DCLK1: variants seen among roughly 807,000 people sequenced by gnomAD.
The protein encoded by DCLK1 is doublecortin like kinase 1.
A neutral mutation model predicts 86.2 loss-of-function variants in DCLK1; 16 were observed. The observed-to-expected ratio is 0.19, with a 90% CI of 0.13 to 0.28. The LOEUF (loss-of-function observed/expected upper bound fraction) is 0.28. Among genes scored for constraint, DCLK1 ranks in the 10% least tolerant of loss-of-function variants. The pLI, the probability that DCLK1 is intolerant of heterozygous loss-of-function variation, is 1.00. For missense variants in DCLK1, 590 were observed against 940.2 expected (o/e 0.63, Z 4.87); for synonymous variants, 369 against 370.5 (o/e 1.00, Z 0.05).
chr13:36,067,246 A>G (rs928893966), intron 3 of DCLK1, among the ~76,000 whole-genome samples: 2 of 141,902 alleles, frequency 1.4e-5, no homozygotes, highest in African/African-American at 5.2e-5. Context: ...TGATGAGTTC[A>G]TGTCCTTTGT....
chr13:35,989,515 AC>A (rs1436743000), intron 3 of DCLK1, among the ~76,000 whole-genome samples: 1 of 151,828 alleles, frequency 6.6e-6, no homozygotes, highest in Non-Finnish European at 1.5e-5. Flanking sequence ...CAGGTGATCC[AC>A]CCGCCTCGGC....
At chr13:35,899,752 G>A (rs2153121878) in intron 4 of DCLK1, among the ~76,000 whole-genome samples, 1 of 152,224 alleles carries the variant, frequency 6.6e-6, no homozygotes, top group East Asian at 1.9e-4. Context: ...AAGCTTATAA[G>A]AAATGACAAG....
intron 1 of DCLK1, among the ~76,000 whole-genome samples, 178 bp downstream of exon 1, chr13:36,130,936 G>A (rs966762560): frequency 6.6e-6 from 1 of 151,928 alleles, no homozygotes; most frequent in Non-Finnish European, 1.5e-5. Flanking sequence ...CCCCGGGTCG[G>A]GCCAGGCTGG....
chr13:36,104,042 T>C (rs1025982202), intron 3 of DCLK1, among the ~76,000 whole-genome samples: 3 of 152,230 alleles, frequency 2.0e-5, no homozygotes, highest in Non-Finnish European at 4.4e-5. Context: ...GTTCTTTTTA[T>C]TTTCTATACT....
chr13:35,998,088 A>G (rs1215324098), intron 3 of DCLK1, among the ~76,000 whole-genome samples: 1 of 152,078 alleles, frequency 6.6e-6, no homozygotes, highest in African/African-American at 2.4e-5. Context: ...CCCCCTTTTG[A>G]GTATTTTAGT....
At position 35,810,846 on chromosome 13, in the gene DCLK1, A is replaced by G; in HGVS notation, c.1677T>C (p.Ile559=). Residue 559 remains isoleucine, a synonymous_variant, in exon 12 of 17, where the codon ATT becomes ATC. Coordinates refer to ENST00000360631, the MANE Select transcript of DCLK1 (RefSeq NM_001330071.2). ...GTPTYVAPEI[I]AETGYGLKVD... Reference sequence around the variant, plus strand: ...AGAGAAGCATTTACCCAGTCTCTGCAATGATTTCTGGAGCCACGTATGTTG... The same window carrying G: ...AGAGAAGCATTTACCCAGTCTCTGCGATGATTTCTGGAGCCACGTATGTTG... The G allele has an allele frequency of 1.2e-6, 2 of 1,613,884 alleles. No homozygotes were observed. The highest frequency in any genetic ancestry group is 2.2e-5 in the East Asian group (1 of 44,874).
At chr13:35,973,218 C>T (rs1210411105) in intron 3 of DCLK1, among the ~76,000 whole-genome samples, 2 of 152,194 alleles carry the variant, frequency 1.3e-5, no homozygotes, top group Non-Finnish European at 2.9e-5. Context: ...CCCATGAAAT[C>T]CTTTCAATGG....
rs2086299982 is a variant in DCLK1 at position 35,769,917 on chromosome 13, CATG to C, written c.*4615_*4617del. ...TGTATGGGCAAGATATGGTAAACCT[CATG>C]ATCAAAACACATGCCAGTTAGAAAC... On this transcript the variant is annotated 3_prime_UTR_variant, in exon 17 of 17. Coordinates refer to ENST00000360631, the MANE Select transcript of DCLK1 (RefSeq NM_001330071.2). The C allele has an allele frequency of 6.6e-6, 1 of 152,168 alleles. No homozygotes were observed. The highest frequency in any genetic ancestry group is 2.1e-4 in the South Asian group (1 of 4,822). The allele number at this position is 152,168 out of a possible 1,614,324, so 9.4% of individuals were successfully genotyped here.
intron 16 of DCLK1, among the ~76,000 whole-genome samples, chr13:35,776,966 G>A (rs540671991): frequency 2.2e-4 from 33 of 152,124 alleles, no homozygotes; most frequent in Non-Finnish European, 4.4e-4. Context: ...GTCCCCTCAC[G>A]CTCACTTTCA....
At chr13:35,848,420 T>G in intron 6 of DCLK1, 1 of 985,298 alleles carries the variant, frequency 1.0e-6, no homozygotes. Flanking sequence ...GGGACTTTAC[T>G]TTCAAAAAGT....
chr13:36,121,413 T>C (rs1395879081), intron 2 of DCLK1, among the ~76,000 whole-genome samples: 1 of 152,162 alleles, frequency 6.6e-6, no homozygotes, highest in Admixed American at 6.5e-5. Flanking sequence ...CTGCATGCAG[T>C]TCTGAGTAGT....
At position 36,116,859 on chromosome 13, in the gene DCLK1, T is replaced by C. The variant is rs184536873; in HGVS notation, c.377-4644A>G. Among the ~76,000 whole-genome samples, 6 of 152,346 alleles carry C rather than the reference T, an allele frequency of 3.9e-5. No individual in the cohort carries two copies. In the East Asian group the frequency reaches 1.2e-3, roughly 29 times the overall value. On this transcript the variant is annotated intron_variant, in intron 2 of 16. Coordinates refer to ENST00000360631, the MANE Select transcript of DCLK1 (RefSeq NM_001330071.2). ...GAACTGAATTAAATTACATGAAATATTGTTTACAGAATAGAATATCGTAAA... is the reference window on the plus strand; with the variant it reads ...GAACTGAATTAAATTACATGAAATACTGTTTACAGAATAGAATATCGTAAA...
chr13:36,121,399 T>C (rs1273356727), intron 2 of DCLK1, among the ~76,000 whole-genome samples: 1 of 152,196 alleles, frequency 6.6e-6, no homozygotes. Flanking sequence ...TCAGGAGTTT[T>C]AAACTGCATG....
intron 3 of DCLK1, among the ~76,000 whole-genome samples, chr13:35,951,270 CATGGATGGATGGATGG>C (rs113236728): frequency 1.9e-3 from 283 of 145,400 alleles, no homozygotes; most frequent in African/African-American, 6.2e-3. Context: ...TGGATGGATG[CATGGATGGATGGATGG>C]ATGGATGGAT....
At chr13:36,089,030 A>T (rs962307208) in intron 3 of DCLK1, among the ~76,000 whole-genome samples, 58 of 152,100 alleles carry the variant, frequency 3.8e-4, no homozygotes, top group African/African-American at 5.6e-4. Flanking sequence ...TCTTTTTTTT[A>T]AAAAAATTCT....
chr13:36,028,832 G>T (rs986245940), intron 3 of DCLK1, among the ~76,000 whole-genome samples: 1 of 152,192 alleles, frequency 6.6e-6, no homozygotes, highest in South Asian at 2.1e-4. Context: ...TAATGCATTA[G>T]CATGTTAAGA....
chr13:35,846,159 A>T (rs896646247), intron 6 of DCLK1: 4 of 985,304 alleles, frequency 4.1e-6, no homozygotes, highest in Non-Finnish European at 4.8e-6. Context: ...TTAACACAAA[A>T]TGTTTTTTTT....
intron 3 of DCLK1, among the ~76,000 whole-genome samples, chr13:36,052,180 T>TGA (rs1883145268): frequency 1.3e-5 from 2 of 152,196 alleles, no homozygotes; most frequent in Admixed American, 6.5e-5. Flanking sequence ...CTCTCATCAC[T>TGA]GAGCTTATAT....
In DCLK1 at chr13:35,987,524, C is replaced by A. The variant is rs1253539543; in HGVS notation, c.724-40067G>T. On this transcript the variant is annotated intron_variant, in intron 3 of 16. Coordinates refer to ENST00000360631, the MANE Select transcript of DCLK1 (RefSeq NM_001330071.2). The stretch of plus-strand genomic sequence containing the variant: ...TAGGGGGTGCTTGAGGGGAGGGATA[C>A]CCCATTTTCTGTGATGTGATTATTA... 2.0e-5 allele frequency among the ~76,000 whole-genome samples: 3 copies of A among 152,104 alleles called. No individual in the cohort carries two copies. The East Asian group carries it at 5.8e-4, about 29-fold the overall frequency.
Sources: allele counts gnomAD v4.1 joint callset (sites outside exome capture counted in the v4.1 genomes callset), GRCh38; gene constraint gnomAD v4.1.1; transcripts MANE v1.5; gene names NCBI Gene and HGNC (gene_info 2026-07-23, HGNC 2026-07-21).